TTC28: variants seen among roughly 807,000 people sequenced by gnomAD.
TTC28 encodes tetratricopeptide repeat domain 28.
A neutral mutation model predicts 198.0 loss-of-function variants in TTC28; 61 were observed. The ratio of observed to expected loss-of-function variants is 0.31; its 90% CI spans 0.25 to 0.38. The LOEUF (loss-of-function observed/expected upper bound fraction) is 0.38, where lower values mean the gene tolerates loss of function less well. Among genes scored for constraint, TTC28 ranks in the 10% least tolerant of loss-of-function variants. The pLI is 1.00. For missense variants in TTC28, 2,678 were observed against 3,164.0 expected (o/e 0.85, Z 3.69); for synonymous variants, 1,171 against 1,297.8 (o/e 0.90, Z 2.10).
chr22:28,172,561 G>A (rs1376490015), intron 5 of TTC28, among the ~76,000 whole-genome samples: 1 of 152,176 alleles, frequency 6.6e-6, no homozygotes, highest in African/African-American at 2.4e-5. Flanking sequence ...GGGAGACATA[G>A]GAGCTGCTTA....
chr22:28,119,178 A>G (rs559314849), intron 6 of TTC28, among the ~76,000 whole-genome samples: 1 of 152,324 alleles, frequency 6.6e-6, no homozygotes, highest in African/African-American at 2.4e-5. Flanking sequence ...ACTTCATGTC[A>G]TGTGCTCTTA....
At chr22:28,541,557 C>T (rs1468991831) in intron 2 of TTC28, among the ~76,000 whole-genome samples, 1 of 152,062 alleles carries the variant, frequency 6.6e-6, no homozygotes, top group African/African-American at 2.4e-5. Flanking sequence ...ACAATGTCCA[C>T]AATTTAAATT....
chr22:27,993,235 T>A, intron 18 of TTC28, 52 bp downstream of exon 18: 13 of 1,434,672 alleles, frequency 9.1e-6, no homozygotes, highest in Non-Finnish European at 1.2e-5. Context: ...CACCAACTGT[T>A]CCACCTGCTG....
intron 2 of TTC28, among the ~76,000 whole-genome samples, chr22:28,398,828 T>C (rs2046856598): frequency 6.6e-6 from 1 of 152,208 alleles, no homozygotes; most frequent in Non-Finnish European, 1.5e-5. Context: ...AAACATGACC[T>C]ATCAAGTGAG....
At chr22:28,301,492 G>C (rs2045024778) in intron 3 of TTC28, among the ~76,000 whole-genome samples, 2 of 152,162 alleles carry the variant, frequency 1.3e-5, no homozygotes, top group Non-Finnish European at 2.9e-5. Flanking sequence ...TGAAGAGCTT[G>C]TAGGAATGTA....
At chr22:28,204,252 A>T (rs1411061679) in intron 5 of TTC28, among the ~76,000 whole-genome samples, 1 of 152,116 alleles carries the variant, frequency 6.6e-6, no homozygotes, top group Non-Finnish European at 1.5e-5. Flanking sequence ...TGAACTCAAC[A>T]ACTATTAGGA....
chr22:28,277,114 C>G (rs2044487624), intron 5 of TTC28, among the ~76,000 whole-genome samples: 2 of 152,146 alleles, frequency 1.3e-5, no homozygotes, highest in African/African-American at 4.8e-5. Flanking sequence ...CACTCTCAAT[C>G]TCTATCTTCC....
intron 12 of TTC28, among the ~76,000 whole-genome samples, chr22:28,078,227 G>A (rs909359369): frequency 6.6e-6 from 1 of 152,170 alleles, no homozygotes; most frequent in African/African-American, 2.4e-5. Flanking sequence ...AAAACAGTCT[G>A]CAGAATAACA....
Position 28,144,634 on chromosome 22 carries a change from A to T in TTC28, c.1441+18458T>A, listed in dbSNP as rs113942857. 3.2e-3 allele frequency among the ~76,000 whole-genome samples: 481 copies of T among 152,358 alleles called. 4 individuals are homozygous for T. The highest frequency in any genetic ancestry group is 0.025 in the South Asian group (123 of 4,824). On this transcript the variant is annotated intron_variant, in intron 6 of 22. Transcript: ENST00000397906. ...AAATCTCTCGATGTGTAATAACAGCAGTACCATTTACTGAGGGCTTGCTAT... is the reference window on the plus strand; with the variant it reads ...AAATCTCTCGATGTGTAATAACAGCTGTACCATTTACTGAGGGCTTGCTAT...
intron 2 of TTC28, among the ~76,000 whole-genome samples, chr22:28,332,109 T>A (rs1352882527): frequency 6.6e-6 from 1 of 152,090 alleles, no homozygotes; most frequent in Non-Finnish European, 1.5e-5. Flanking sequence ...TAGAGATGAA[T>A]ATTCAGATTT....
At chr22:28,660,302 C>A (rs2051721767) in intron 1 of TTC28, among the ~76,000 whole-genome samples, 1 of 152,092 alleles carries the variant, frequency 6.6e-6, no homozygotes, top group Admixed American at 6.5e-5. Context: ...TTTATCATTT[C>A]TTTCATCAGC....
At chr22:28,482,449 C>A (rs1464680551) in intron 2 of TTC28, among the ~76,000 whole-genome samples, 1 of 151,880 alleles carries the variant, frequency 6.6e-6, no homozygotes, top group Non-Finnish European at 1.5e-5. Context: ...ACCTCGTGAT[C>A]CACCCGCCTT....
intron 1 of TTC28, among the ~76,000 whole-genome samples, chr22:28,657,611 G>A (rs1409219068): frequency 2.0e-5 from 3 of 152,226 alleles, no homozygotes; most frequent in Non-Finnish European, 4.4e-5. Context: ...GGGCGTGGTG[G>A]CTCACGCCTA....
chr22:27,992,925 C>A, intron 18 of TTC28: 1 of 542,948 alleles, frequency 1.8e-6, no homozygotes, highest in Non-Finnish European at 3.3e-6. Flanking sequence ...GCAGCACCAC[C>A]CCTAGTCAAG....
rs550441539 is a variant in TTC28 at position 28,501,862 on chromosome 22, A to C, written c.381+127690T>G. Among the ~76,000 whole-genome samples the C allele has an allele frequency of 1.5e-4, 23 of 152,286 alleles. 2 individuals are homozygous for C. In the South Asian group the frequency reaches 4.6e-3, roughly 30 times the overall value. On this transcript the variant is annotated intron_variant, in intron 2 of 22. Transcript: ENST00000397906. ...ATGTTGGAAAATATACTTTTTAAAA[A>C]TCATGACCTGCCTATTTGTTTTTTA...
chr22:28,648,589 A>G (rs1273305506), intron 1 of TTC28, among the ~76,000 whole-genome samples: 1 of 152,220 alleles, frequency 6.6e-6, no homozygotes. Context: ...TATGGAACCA[A>G]CCTAAATGCC....
At chr22:28,528,410 T>G (rs2049054003) in intron 2 of TTC28, among the ~76,000 whole-genome samples, 3 of 151,986 alleles carry the variant, frequency 2.0e-5, no homozygotes, top group Admixed American at 2.0e-4. Flanking sequence ...ATCCCTTGAA[T>G]AGCTTTTGCA....
chr22:28,146,779 C>T (rs760327638), intron 6 of TTC28, among the ~76,000 whole-genome samples: 10 of 151,974 alleles, frequency 6.6e-5, no homozygotes, highest in Non-Finnish European at 1.5e-4. Context: ...CCAGCTCTGA[C>T]AATCTGGCTC....
chr22:28,168,870 T>G (rs954106565), intron 5 of TTC28, among the ~76,000 whole-genome samples: 4 of 152,012 alleles, frequency 2.6e-5, no homozygotes, highest in Non-Finnish European at 4.4e-5. Context: ...GAAACTACCA[T>G]CAGAGTGAAC....
Sources: allele counts gnomAD v4.1 joint callset (sites outside exome capture counted in the v4.1 genomes callset), GRCh38; gene constraint gnomAD v4.1.1; transcripts MANE v1.5; gene names NCBI Gene and HGNC (gene_info 2026-07-23, HGNC 2026-07-21).